Variants in SLC25A24 observed in about 807,000 individuals in gnomAD.
SLC25A24 encodes the protein mitochondrial adenyl nucleotide antiporter SLC25A24.
In SLC25A24, 49 loss-of-function variants were observed where a neutral mutation model predicts 60.7. That is an observed-to-expected ratio of 0.81 (90% CI 0.64 to 1.02). The LOEUF (loss-of-function observed/expected upper bound fraction) is 1.02, where lower values mean the gene tolerates loss of function less well. Among genes scored for constraint, SLC25A24 ranks in the 50% least tolerant of loss-of-function variants. The pLI is 0.00. For synonymous variants in SLC25A24, 202 were observed against 200.6 expected, an observed-to-expected ratio of 1.01 and a Z score of -0.06; for missense variants, 564 against 586.3, an observed-to-expected ratio of 0.96 and a Z score of 0.39.
At chr1:108,139,335 C>T in intron 8 of SLC25A24, 127 bp from the exon 9 acceptor site, 1 of 957,480 alleles carries the variant, frequency 1.0e-6, no homozygotes, top group Non-Finnish European at 1.5e-6. Flanking sequence ...TTTGCAGAAG[C>T]AGCAGGCACT....
chr1:108,195,261 A>C (rs1354499358), intron 1 of SLC25A24, among the ~76,000 whole-genome samples: 2 of 152,196 alleles, frequency 1.3e-5, no homozygotes, highest in Non-Finnish European at 2.9e-5. Context: ...AACAATGGGC[A>C]ATCATATACC....
chr1:108,149,961 T>A (rs997508995), intron 6 of SLC25A24, among the ~76,000 whole-genome samples: 5 of 152,218 alleles, frequency 3.3e-5, no homozygotes, highest in Non-Finnish European at 5.9e-5. Context: ...GATTCCCAAA[T>A]ACCAGACATT....
At chr1:108,185,697 A>T in intron 2 of SLC25A24, 131 bp downstream of exon 2, 1 of 634,430 alleles carries the variant, frequency 1.6e-6, no homozygotes, top group Non-Finnish European at 2.5e-6. Flanking sequence ...TCACATTACT[A>T]AAAAAAAGTA....
At chr1:108,156,195 C>T (rs1679894752) in intron 5 of SLC25A24, among the ~76,000 whole-genome samples, 1 of 152,210 alleles carries the variant, frequency 6.6e-6, no homozygotes, top group African/African-American at 2.4e-5. Context: ...TGCTTCTTTA[C>T]TTGACTGATT....
chr1:108,159,462 T>C (rs986459880), intron 4 of SLC25A24, among the ~76,000 whole-genome samples: 4 of 108,060 alleles, frequency 3.7e-5, no homozygotes, highest in African/African-American at 1.7e-4. Flanking sequence ...CAGTCTTGGG[T>C]TGTTTTTTTT....
intron 6 of SLC25A24, among the ~76,000 whole-genome samples, chr1:108,154,517 T>C (rs1350969620): frequency 7.2e-5 from 11 of 152,214 alleles, no homozygotes; most frequent in Admixed American, 7.2e-4. Context: ...CCAAGCTCTG[T>C]CTAGGTGCTG....
At chr1:108,179,845 T>G (rs1647851455) in intron 3 of SLC25A24, among the ~76,000 whole-genome samples, 1 of 152,114 alleles carries the variant, frequency 6.6e-6, no homozygotes, top group Admixed American at 6.5e-5. Context: ...TGAAAAATAC[T>G]AAGAGAATGG....
At chr1:108,139,424 A>G (rs1558006245) in intron 8 of SLC25A24, among the ~76,000 whole-genome samples, 2 of 152,220 alleles carry the variant, frequency 1.3e-5, no homozygotes, top group African/African-American at 2.4e-5. Context: ...GGTTACTGAC[A>G]TTCTTCTAAA....
chr1:108,141,763 A>G (rs1323736158), intron 8 of SLC25A24, among the ~76,000 whole-genome samples: 1 of 152,226 alleles, frequency 6.6e-6, no homozygotes, highest in East Asian at 1.9e-4. Flanking sequence ...CCAGTCACGG[A>G]AAGAGAAATA....
At chr1:108,141,997 C>A (rs1248848734) in intron 8 of SLC25A24, among the ~76,000 whole-genome samples, 2 of 152,148 alleles carry the variant, frequency 1.3e-5, no homozygotes, top group African/African-American at 4.8e-5. Flanking sequence ...AAATCATAAA[C>A]TTTATGTTAT....
intron 3 of SLC25A24, among the ~76,000 whole-genome samples, chr1:108,175,542 A>T (rs577973657): frequency 1.3e-5 from 2 of 152,238 alleles, no homozygotes; most frequent in South Asian, 4.1e-4. Flanking sequence ...AAAAAATATA[A>T]AAATTAGCCA....
intron 1 of SLC25A24, among the ~76,000 whole-genome samples, chr1:108,196,612 G>A (rs1447440861): frequency 1.5e-4 from 23 of 152,164 alleles, no homozygotes; most frequent in Admixed American, 1.5e-3. Context: ...TAAAAAATAA[G>A]CATTGATTTC....
chr1:108,175,651 T>C lies in SLC25A24; in HGVS notation c.398+6290A>G, dbSNP rs147667999. Among the ~76,000 whole-genome samples, 373 of 151,990 alleles carry C rather than the reference T, an allele frequency of 2.5e-3. 3 individuals are homozygous for C. Among genetic ancestry groups the C allele is most frequent in the Non-Finnish European group, 3.6e-3 (245 of 67,968 alleles). On this transcript the variant is annotated intron_variant, in intron 3 of 9. Coordinates refer to ENST00000565488, the MANE Select transcript of SLC25A24 (RefSeq NM_013386.5). ...GCTGCAATGAGCCATGATTGTGCCA[T>C]TGCACTCCAGATGGGATGACAGAGC...
In SLC25A24 at chr1:108,166,791, C is replaced by T. The variant is rs949667695; in HGVS notation, c.399-5498G>A. 3.9e-5 allele frequency among the ~76,000 whole-genome samples: 6 copies of T among 152,350 alleles called. 1 individual carries two copies. In the South Asian group the frequency reaches 6.2e-4, roughly 16 times the overall value. On this transcript the variant is annotated intron_variant, in intron 3 of 9. Transcript: ENST00000565488. The stretch of plus-strand genomic sequence containing the variant: ...GATCGTCTGAAGCCTTCTCTCAGCT[C>T]GTCAGAGTCATTCTCCATCCAGCTT...
At chr1:108,183,244 G>A (rs1189590517) in intron 2 of SLC25A24, among the ~76,000 whole-genome samples, 3 of 152,186 alleles carry the variant, frequency 2.0e-5, no homozygotes, top group Non-Finnish European at 4.4e-5. Flanking sequence ...GAATCCTCCT[G>A]GGGAGAGGGA....
intron 5 of SLC25A24, 84 bp from the exon 6 acceptor site, chr1:108,155,219 T>C: frequency 8.4e-7 from 1 of 1,195,898 alleles, no homozygotes; most frequent in Non-Finnish European, 1.2e-6. Context: ...TCTTTTTCAA[T>C]ACCCTTTCTA....
chr1:108,148,117 G>A lies in SLC25A24; in HGVS notation c.930+162C>T, dbSNP rs74505543. On this transcript the variant is annotated intron_variant, in intron 7 of 9. Transcript: ENST00000565488. The stretch of plus-strand genomic sequence containing the variant: ...GACTGTGGGCTGTGAAAAACCCTGA[G>A]CCAGAGGCACCCAGCTAAGCTGCTT... Among the ~76,000 whole-genome samples, 803 of 152,280 alleles carry A rather than the reference G, an allele frequency of 5.3e-3. 7 individuals carry two copies. Among genetic ancestry groups the A allele is most frequent in the East Asian group, 0.019 (98 of 5,176 alleles).
At chr1:108,195,238 A>G (rs1648459543) in intron 1 of SLC25A24, among the ~76,000 whole-genome samples, 1 of 152,212 alleles carries the variant, frequency 6.6e-6, no homozygotes, top group African/African-American at 2.4e-5. Flanking sequence ...TATAAAGGTG[A>G]GTTGGGGCCT....
chr1:108,144,744 T>C (rs569483400), intron 7 of SLC25A24, among the ~76,000 whole-genome samples: 18 of 152,332 alleles, frequency 1.2e-4, no homozygotes, highest in Admixed American at 1.0e-3. Flanking sequence ...TCCATGTCCC[T>C]ACAAAGGACA....
Sources: gnomAD v4.1 joint callset for allele counts (sites outside exome capture counted in the v4.1 genomes callset) on GRCh38, gnomAD v4.1.1 for gene constraint, MANE v1.5 for transcripts, NCBI Gene and HGNC (gene_info 2026-07-23, HGNC 2026-07-21) for gene names.